Variants in SGCG observed in about 807,000 individuals in gnomAD.
The protein encoded by SGCG is sarcoglycan gamma, also known as gamma-sarcoglycan.
SGCG carries 26 observed loss-of-function variants against 29.3 expected under a neutral mutation model. The observed-to-expected ratio is 0.89, with a 90% CI of 0.65 to 1.23. SGCG has a LOEUF of 1.23. SGCG is among the 50% of genes most tolerant of loss of function. SGCG has a pLI of 0.00. For synonymous variants in SGCG, 145 were observed against 129.7 expected (o/e 1.12, Z -0.80); for missense variants, 353 against 356.0 (o/e 0.99, Z 0.07).
chr13:23,263,479 G>A (rs1304908350), intron 4 of SGCG, among the ~76,000 whole-genome samples: 2 of 152,062 alleles, frequency 1.3e-5, no homozygotes, highest in South Asian at 4.2e-4. Context: ...GATTGAATCA[G>A]TAATAGAAGA....
intron 3 of SGCG, among the ~76,000 whole-genome samples, chr13:23,248,550 C>T (rs1465962664): frequency 6.6e-6 from 1 of 151,096 alleles, no homozygotes; most frequent in Non-Finnish European, 1.5e-5. Flanking sequence ...AAAAAATTAG[C>T]CGGCGTGGCA....
At chr13:23,189,319 G>A (rs896277054) in intron 1 of SGCG, among the ~76,000 whole-genome samples, 3 of 152,136 alleles carry the variant, frequency 2.0e-5, no homozygotes, top group Non-Finnish European at 4.4e-5. Flanking sequence ...TGGGACTATA[G>A]GTGCATGCCA....
intron 1 of SGCG, among the ~76,000 whole-genome samples, chr13:23,191,419 A>T (rs1877244491): frequency 6.6e-6 from 1 of 152,186 alleles, no homozygotes; most frequent in Non-Finnish European, 1.5e-5. Context: ...AGGGGTCAGA[A>T]AGAAACATGA....
chr13:23,199,652 T>G (rs1383583825), intron 1 of SGCG, among the ~76,000 whole-genome samples: 1 of 152,210 alleles, frequency 6.6e-6, no homozygotes, highest in East Asian at 1.9e-4. Flanking sequence ...GACTTTTTTA[T>G]GCAATGCAGT....
chr13:23,205,673 C>G (rs919327855), intron 2 of SGCG, among the ~76,000 whole-genome samples: 1 of 152,096 alleles, frequency 6.6e-6, no homozygotes, highest in African/African-American at 2.4e-5. Flanking sequence ...GTTGTGCCAG[C>G]AGCTGAGTCC....
intron 3 of SGCG, chr13:23,245,591 T>C (rs1879677355): frequency 6.6e-6 from 1 of 152,080 alleles, no homozygotes; most frequent in Non-Finnish European, 1.5e-5. Context: ...AGAGGGTGAT[T>C]GTTAATCCTC....
chr13:23,163,158 A>C, the SGCG span, among the ~76,000 whole-genome samples: 1 of 152,226 alleles, frequency 6.6e-6, no homozygotes, highest in African/African-American at 2.4e-5. Flanking sequence ...AATGTTTTCT[A>C]TACAGGGATC....
rs368492336 is a variant in SGCG at position 23,277,990 on chromosome 13, G to A, written c.386-1369G>A. Among the ~76,000 whole-genome samples, 108 of 151,886 alleles carry A rather than the reference G, an allele frequency of 7.1e-4. 1 individual carries two copies. The highest frequency in any genetic ancestry group is 2.4e-3 in the African/African-American group (101 of 41,482). On this transcript the variant is annotated intron_variant, in intron 4 of 7. Coordinates refer to ENST00000218867, the MANE Select transcript of SGCG (RefSeq NM_000231.3). ...TGGGATTACAGGCGTGAGCCACCGC[G>A]CCCAGCCTAATTTTTGTATTTTTAG...
chr13:23,193,030 T>C (rs1216506711), intron 1 of SGCG, among the ~76,000 whole-genome samples: 3 of 152,080 alleles, frequency 2.0e-5, no homozygotes, highest in Non-Finnish European at 4.4e-5. Context: ...TTGGAGGAAA[T>C]GAACAGGACA....
intron 1 of SGCG, among the ~76,000 whole-genome samples, chr13:23,190,522 C>T (rs959255632): frequency 6.6e-6 from 1 of 152,146 alleles, no homozygotes; most frequent in African/African-American, 2.4e-5. Flanking sequence ...GGCCTCCAGA[C>T]ACATATGCTA....
intron 3 of SGCG, chr13:23,244,729 C>T (rs1879634341): frequency 6.6e-6 from 1 of 152,144 alleles, no homozygotes; most frequent in African/African-American, 2.4e-5. Context: ...GCTCAGACAC[C>T]ATACAGGGCC....
rs192156520 is a variant in SGCG at position 23,262,171 on chromosome 13, T to G, written c.385+11454T>G. 1.8e-3 allele frequency among the ~76,000 whole-genome samples: 279 copies of G among 152,140 alleles called. 2 individuals are homozygous for G. The highest frequency in any genetic ancestry group is 6.5e-3 in the African/African-American group (271 of 41,532). ...GTACCTCACATCTCAATATTCACATTGAATGTAAGTGGTCTAAATGCTCCA... is the reference window on the plus strand; with the variant it reads ...GTACCTCACATCTCAATATTCACATGGAATGTAAGTGGTCTAAATGCTCCA... On this transcript the variant is annotated intron_variant, in intron 4 of 7. Transcript: ENST00000218867.
intron 3 of SGCG, among the ~76,000 whole-genome samples, chr13:23,237,537 G>C (rs1405854921): frequency 6.6e-6 from 1 of 152,152 alleles, no homozygotes; most frequent in Non-Finnish European, 1.5e-5. Context: ...ACAACTATTT[G>C]AATAAAGCAG....
chr13:23,211,768 A>T (rs1355579509), intron 2 of SGCG, among the ~76,000 whole-genome samples: 1 of 152,144 alleles, frequency 6.6e-6, no homozygotes, highest in African/African-American at 2.4e-5. Flanking sequence ...TCCTGCAGAC[A>T]GTTCTCTCTT....
chr13:23,315,091 T>C (rs189331675), intron 6 of SGCG, among the ~76,000 whole-genome samples: 1 of 152,338 alleles, frequency 6.6e-6, no homozygotes, highest in East Asian at 1.9e-4. Flanking sequence ...GTTTACAGCC[T>C]TTGGCAGGCC....
At chr13:23,170,186 C>G in the SGCG span, 1 of 152,154 alleles carries the variant, frequency 6.6e-6, no homozygotes, top group Non-Finnish European at 1.5e-5. Context: ...ACATGAAATC[C>G]CACAGAATCT....
intron 7 of SGCG, among the ~76,000 whole-genome samples, chr13:23,323,413 GGTT>G (rs1220659630): frequency 2.0e-5 from 3 of 152,314 alleles, no homozygotes; most frequent in East Asian, 3.9e-4. Context: ...GCAGACAGCA[GGTT>G]GTTAATAGAT....
chr13:23,236,182 T>C (rs1388677540), intron 3 of SGCG, among the ~76,000 whole-genome samples: 1 of 152,142 alleles, frequency 6.6e-6, no homozygotes. Context: ...AACAATCCTG[T>C]CCTACAGGAT....
intron 4 of SGCG, chr13:23,267,443 C>T (rs1346270968): frequency 7.9e-5 from 12 of 152,194 alleles, no homozygotes; most frequent in Non-Finnish European, 1.6e-4. Flanking sequence ...ATCCAAGTCA[C>T]TTTTTTCAAT....
Sources: allele counts gnomAD v4.1 joint callset (sites outside exome capture counted in the v4.1 genomes callset), GRCh38; gene constraint gnomAD v4.1.1; transcripts MANE v1.5; gene names NCBI Gene and HGNC (gene_info 2026-07-23, HGNC 2026-07-21).